Variants in RBFOX1 observed in about 807,000 individuals in gnomAD.
The protein encoded by RBFOX1 is RNA binding fox-1 homolog 1, also known as RNA binding protein fox-1 homolog 1.
RBFOX1 carries 8 observed loss-of-function variants against 57.7 expected under a neutral mutation model. That is an observed-to-expected ratio of 0.14 (90% CI 0.08 to 0.25). RBFOX1 has a LOEUF of 0.25. Ranked by LOEUF, RBFOX1 falls within the 10% of genes least tolerant of loss-of-function variation. The pLI is 1.00. For missense variants in RBFOX1, 611 were observed against 548.5 expected (o/e 1.11, Z -1.14); for synonymous variants, 326 against 222.4 (o/e 1.47, Z -4.15).
At chr16:7,599,875 G>C (rs546082915) in intron 9 of RBFOX1, among the ~76,000 whole-genome samples, 1 of 151,770 alleles carries the variant, frequency 6.6e-6, no homozygotes, top group Admixed American at 6.6e-5. Flanking sequence ...GAGCTCAAGT[G>C]ATGTGCCTGT....
intron 1 of RBFOX1, among the ~76,000 whole-genome samples, chr16:5,326,932 G>A (rs916925635): frequency 6.6e-6 from 1 of 152,196 alleles, no homozygotes; most frequent in Non-Finnish European, 1.5e-5. Context: ...GCCAGGCACT[G>A]TCCTAGGAAC....
chr16:6,005,984 G>T (rs1377265009), intron 4 of RBFOX1, among the ~76,000 whole-genome samples: 1 of 152,202 alleles, frequency 6.6e-6, no homozygotes, highest in Non-Finnish European at 1.5e-5. Context: ...GGCTAGGAAG[G>T]CAGGCTTGGG....
chr16:5,596,607 C>T (rs1168296315), intron 2 of RBFOX1, among the ~76,000 whole-genome samples: 1 of 152,158 alleles, frequency 6.6e-6, no homozygotes, highest in Admixed American at 6.5e-5. Context: ...ATAGGGATCC[C>T]AGGGCATCTA....
chr16:5,827,499 G>A (rs1597399897), intron 3 of RBFOX1, among the ~76,000 whole-genome samples: 1 of 151,174 alleles, frequency 6.6e-6, no homozygotes, highest in Admixed American at 6.6e-5. Context: ...TGCACCCCGA[G>A]AACTCCCTCC....
At chr16:5,526,858 CT>C (rs1390950317) in intron 2 of RBFOX1, among the ~76,000 whole-genome samples, 4 of 152,176 alleles carry the variant, frequency 2.6e-5, no homozygotes, top group Non-Finnish European at 5.9e-5. Context: ...AGTAAGACTC[CT>C]TGCATGGGAA....
chr16:6,454,356 A>G (rs2094707370), intron 2 of RBFOX1, among the ~76,000 whole-genome samples: 1 of 152,150 alleles, frequency 6.6e-6, no homozygotes, highest in Non-Finnish European at 1.5e-5. Context: ...CAGGAGTTTA[A>G]GACCAGCCTG....
chr16:6,770,521 A>G (rs576673216), intron 3 of RBFOX1, among the ~76,000 whole-genome samples: 1 of 151,960 alleles, frequency 6.6e-6, no homozygotes, highest in Non-Finnish European at 1.5e-5. Context: ...AGTCGAAAAT[A>G]TTTTCTTTCT....
chr16:7,238,773 C>G (rs976020032), intron 4 of RBFOX1, among the ~76,000 whole-genome samples: 5 of 152,164 alleles, frequency 3.3e-5, no homozygotes, highest in African/African-American at 9.7e-5. Context: ...ACTTGTTTCT[C>G]CCGATCCTGT....
At position 7,053,409 on chromosome 16, in the gene RBFOX1, T is replaced by G. The variant is rs117942419; in HGVS notation, c.27+1311T>G. On this transcript the variant is annotated intron_variant, in intron 4 of 15. Coordinates refer to ENST00000550418, the MANE Select transcript of RBFOX1 (RefSeq NM_018723.4). ...GTCTTACTGCTTTTTTCCTGTAGTCTGAATTACTGGTTCATCCTGTTAAAT... is the reference window on the plus strand; with the variant it reads ...GTCTTACTGCTTTTTTCCTGTAGTCGGAATTACTGGTTCATCCTGTTAAAT... Among the ~76,000 whole-genome samples, 179 of 152,310 alleles carry G rather than the reference T, an allele frequency of 1.2e-3. 3 individuals are homozygous for G. In the East Asian group the frequency reaches 0.025, roughly 21 times the overall value.
intron 2 of RBFOX1, among the ~76,000 whole-genome samples, chr16:6,563,787 C>T (rs2097216803): frequency 6.6e-6 from 1 of 151,764 alleles, no homozygotes; most frequent in African/African-American, 2.4e-5. Flanking sequence ...GACTGAGCCA[C>T]TGCAATCCAG....
intron 2 of RBFOX1, among the ~76,000 whole-genome samples, chr16:5,470,102 A>G (rs2069083437): frequency 6.6e-6 from 1 of 152,218 alleles, no homozygotes; most frequent in African/African-American, 2.4e-5. Flanking sequence ...AACAAAGGGA[A>G]ACAGACTCAG....
intron 2 of RBFOX1, among the ~76,000 whole-genome samples, chr16:6,535,755 G>A (rs571384591): frequency 4.6e-5 from 7 of 152,044 alleles, no homozygotes; most frequent in Admixed American, 2.0e-4. Context: ...TCTTTCTCTG[G>A]GGCTATCACA....
intron 1 of RBFOX1, among the ~76,000 whole-genome samples, chr16:6,223,642 T>G (rs2097394133): frequency 2.0e-5 from 3 of 152,184 alleles, no homozygotes; most frequent in African/African-American, 4.8e-5. Context: ...TTTCTCCCAT[T>G]TTGTAGGTCG....
At chr16:6,312,697 C>A (rs902430728) in intron 1 of RBFOX1, among the ~76,000 whole-genome samples, 10 of 138,360 alleles carry the variant, frequency 7.2e-5, no homozygotes, top group South Asian at 2.3e-4. Flanking sequence ...TCCTTCCTTC[C>A]TTCCTTCCTT....
At chr16:6,950,270 G>C (rs1420790369) in intron 3 of RBFOX1, among the ~76,000 whole-genome samples, 2 of 151,864 alleles carry the variant, frequency 1.3e-5, no homozygotes, top group Non-Finnish European at 2.9e-5. Flanking sequence ...CACATTCTTT[G>C]TCTTTGCAGA....
intron 2 of RBFOX1, among the ~76,000 whole-genome samples, chr16:6,378,771 A>G (rs980684873): frequency 1.3e-5 from 2 of 152,108 alleles, no homozygotes; most frequent in Admixed American, 1.3e-4. Context: ...TATTTCCCTC[A>G]TTGCTATTAT....
At chr16:7,401,631 C>G (rs2098245563) in intron 4 of RBFOX1, among the ~76,000 whole-genome samples, 1 of 152,166 alleles carries the variant, frequency 6.6e-6, no homozygotes, top group African/African-American at 2.4e-5. Flanking sequence ...CATTGATTAG[C>G]TTCTTTGAAC....
intron 7 of RBFOX1, among the ~76,000 whole-genome samples, chr16:7,591,789 C>T (rs1462848215): frequency 1.3e-5 from 2 of 152,138 alleles, no homozygotes; most frequent in Non-Finnish European, 2.9e-5. Context: ...GTTTTGTTCT[C>T]CTTTTTAAGG....
At chr16:6,656,262 C>T (rs148535329) in intron 3 of RBFOX1, among the ~76,000 whole-genome samples, 228 of 152,284 alleles carry the variant, frequency 1.5e-3, no homozygotes, top group African/African-American at 5.1e-3. Flanking sequence ...TGGCATTTCT[C>T]TTGGACTTTT....
Sources: gnomAD v4.1 joint callset for allele counts (sites outside exome capture counted in the v4.1 genomes callset) on GRCh38, gnomAD v4.1.1 for gene constraint, MANE v1.5 for transcripts, NCBI Gene and HGNC (gene_info 2026-07-23, HGNC 2026-07-21) for gene names.